The following GPHN variants were observed in gnomAD, a reference collection of about 807,000 sequenced individuals.
GPHN encodes gephyrin.
In GPHN, 17 loss-of-function variants were observed where a neutral mutation model predicts 95.5. The observed-to-expected ratio is 0.18, with a 90% CI of 0.12 to 0.27. The LOEUF is 0.27. Ranked by LOEUF, GPHN falls within the 10% of genes least tolerant of loss-of-function variation. The pLI is 1.00. For missense variants in GPHN, 660 were observed against 978.1 expected (o/e 0.67, Z 4.34); for synonymous variants, 320 against 322.5 (o/e 0.99, Z 0.08).
chr14:67,416,823 T>C, the GPHN span, among the ~76,000 whole-genome samples: 1 of 152,232 alleles, frequency 6.6e-6, no homozygotes, highest in Non-Finnish European at 1.5e-5. Flanking sequence ...GACACTGCAG[T>C]TCACAGGGCA....
At chr14:67,606,877 A>G in the GPHN span, among the ~76,000 whole-genome samples, 1 of 151,932 alleles carries the variant, frequency 6.6e-6, no homozygotes. Context: ...CGATCTCTTG[A>G]CCTCGTGATC....
the GPHN span, among the ~76,000 whole-genome samples, chr14:67,220,801 T>C: frequency 1.3e-5 from 2 of 152,210 alleles, no homozygotes; most frequent in African/African-American, 4.8e-5. Context: ...AAAGACTATA[T>C]GAATATTTGC....
At chr14:67,359,922 GGC>G in the GPHN span, 19 of 567,188 alleles carry the variant, frequency 3.3e-5, no homozygotes, top group Non-Finnish European at 5.6e-5. Context: ...CGGATGTCGA[GGC>G]GCGCGCACCG....
intron 2 of GPHN, among the ~76,000 whole-genome samples, chr14:66,723,333 C>A (rs1051817306): frequency 6.7e-6 from 1 of 149,932 alleles, no homozygotes; most frequent in African/African-American, 2.4e-5. Flanking sequence ...AAGGTTATAA[C>A]CTTTTGGTTA....
At chr14:67,488,990 C>A in the GPHN span, among the ~76,000 whole-genome samples, 2 of 152,116 alleles carry the variant, frequency 1.3e-5, no homozygotes, top group Non-Finnish European at 2.9e-5. Flanking sequence ...CTAGGCCTCA[C>A]TGACACTCCC....
At chr14:66,660,928 C>T (rs187664568) in intron 1 of GPHN, among the ~76,000 whole-genome samples, 7 of 152,252 alleles carry the variant, frequency 4.6e-5, no homozygotes, top group East Asian at 3.9e-4. Flanking sequence ...TTTACAAGTC[C>T]GGTCAGGAGA....
At chr14:67,347,692 G>A in the GPHN span, among the ~76,000 whole-genome samples, 1 of 151,850 alleles carries the variant, frequency 6.6e-6, no homozygotes, top group African/African-American at 2.4e-5. Flanking sequence ...TAGACACGGG[G>A]TTTCTCCATG....
chr14:67,463,672 G>C, the GPHN span, among the ~76,000 whole-genome samples: 2 of 146,208 alleles, frequency 1.4e-5, no homozygotes, highest in Non-Finnish European at 1.5e-5. Context: ...AAAGATTGCT[G>C]TGCCGAGCTA....
At chr14:67,058,808 G>T in intron 11 of GPHN, 22 bp downstream of exon 11, 1 of 1,607,314 alleles carries the variant, frequency 6.2e-7, no homozygotes, top group South Asian at 1.1e-5. Context: ...TTTGACCATT[G>T]CCCTTTCTTT....
At chr14:66,565,398 A>C (rs2060421208) in intron 1 of GPHN, among the ~76,000 whole-genome samples, 1 of 152,028 alleles carries the variant, frequency 6.6e-6, no homozygotes, top group Non-Finnish European at 1.5e-5. Context: ...TCCCAGGCTC[A>C]AGTGATTCTC....
At chr14:67,204,904 A>G in the GPHN span, 1 of 1,614,020 alleles carries the variant, frequency 6.2e-7, no homozygotes, top group Non-Finnish European at 8.5e-7. Flanking sequence ...CATCACCGAC[A>G]TCACAGATGT....
At chr14:66,774,222 T>G (rs2059297567) in intron 2 of GPHN, among the ~76,000 whole-genome samples, 1 of 151,896 alleles carries the variant, frequency 6.6e-6, no homozygotes, top group South Asian at 2.1e-4. Context: ...CAGGATGGTC[T>G]CGATCTCCTG....
chr14:67,732,429 C>CAA, the GPHN span, among the ~76,000 whole-genome samples: 1 of 126,492 alleles, frequency 7.9e-6, no homozygotes, highest in Admixed American at 8.1e-5. Context: ...GACCCTATCT[C>CAA]AAAAAAAAAA....
intron 8 of GPHN, among the ~76,000 whole-genome samples, chr14:66,956,942 T>C (rs1310070048): frequency 8.6e-6 from 1 of 116,150 alleles, no homozygotes; most frequent in African/African-American, 3.3e-5. Context: ...GGAAGGGGAA[T>C]ATCACACTCT....
chr14:67,570,703 G>A, the GPHN span: 1 of 152,300 alleles, frequency 6.6e-6, no homozygotes, highest in South Asian at 2.1e-4. Flanking sequence ...ATAACCACGT[G>A]TCAGGTCATC....
At chr14:67,439,590 T>TTTCTTTC in the GPHN span, among the ~76,000 whole-genome samples, 1 of 120,622 alleles carries the variant, frequency 8.3e-6, no homozygotes, top group Admixed American at 8.7e-5. Flanking sequence ...TCTTTCTTTC[T>TTTCTTTC]TTCTTCTTTC....
At chr14:67,500,726 C>T in the GPHN span, among the ~76,000 whole-genome samples, 3 of 151,522 alleles carry the variant, frequency 2.0e-5, no homozygotes, top group East Asian at 6.0e-4. Flanking sequence ...CGCCCGCCAC[C>T]ACGCCCGGCT....
intron 1 of GPHN, among the ~76,000 whole-genome samples, chr14:66,538,838 A>G (rs1160242391): frequency 6.6e-6 from 1 of 151,394 alleles, no homozygotes; most frequent in African/African-American, 2.4e-5. Flanking sequence ...GTTTTGAAAT[A>G]CAATATATGA....
chr14:67,479,810 A>T, the GPHN span, among the ~76,000 whole-genome samples: 1 of 152,238 alleles, frequency 6.6e-6, no homozygotes, highest in Admixed American at 6.5e-5. Context: ...TGCTAAGCAA[A>T]TGAACCCAAA....
Sources: allele counts gnomAD v4.1 joint callset (sites outside exome capture counted in the v4.1 genomes callset), GRCh38; gene constraint gnomAD v4.1.1; transcripts MANE v1.5; gene names NCBI Gene and HGNC (gene_info 2026-07-23, HGNC 2026-07-21).